LCORL: variants seen among roughly 807,000 people sequenced by gnomAD.
The protein encoded by LCORL is ligand-dependent nuclear receptor corepressor-like protein.
A neutral mutation model predicts 141.8 loss-of-function variants in LCORL; 41 were observed. The ratio of observed to expected loss-of-function variants is 0.29; its 90% CI spans 0.23 to 0.38. LCORL has a LOEUF of 0.38. Among genes scored for constraint, LCORL ranks in the 10% least tolerant of loss-of-function variants. The probability of loss-of-function intolerance (pLI) is 1.00; values close to 1 mark genes in which losing one functional copy is unlikely to be tolerated. For missense variants in LCORL, 1,759 were observed against 2,035.0 expected (o/e 0.86, Z 2.61); for synonymous variants, 618 against 694.1 (o/e 0.89, Z 1.72).
chr4:17,893,796 G>T (rs1000228997), intron 5 of LCORL, among the ~76,000 whole-genome samples: 1 of 151,974 alleles, frequency 6.6e-6, no homozygotes, highest in African/African-American at 2.4e-5. Context: ...TGATTCTAAG[G>T]TTATTTATTT....
In LCORL at chr4:17,904,137, T is replaced by G. The variant is rs16896001; in HGVS notation, c.682+4957A>C. 2.0e-5 allele frequency among the ~76,000 whole-genome samples: 3 copies of G among 152,154 alleles called. No individual in the cohort carries two copies. In the East Asian group the frequency reaches 5.8e-4, roughly 29 times the overall value. The stretch of plus-strand genomic sequence containing the variant: ...GTCAAAGATTTTTGGTAAATACTTA[T>G]TCACTCAGAGGCTGAATTACCATCT... On this transcript the variant is annotated intron_variant, in intron 5 of 7. Transcript: ENST00000635767.
rs1395011131 is a variant in LCORL, at chr4:17,897,221, T to C, written c.683-11060A>G. Among the ~76,000 whole-genome samples, 31 of 100,176 alleles carry C rather than the reference T, an allele frequency of 3.1e-4. 2 individuals are homozygous for C. In the East Asian group the frequency reaches 3.9e-3, roughly 13 times the overall value. The allele number at this position is 100,176 out of a possible 152,430, so 65.7% of individuals were successfully genotyped here. ...CTTTGATATACTGATTTCTTTTTTT[T>C]TTTTTTTTTTTTTTTTTTTTTTTTT... On this transcript the variant is annotated intron_variant, in intron 5 of 7. Transcript: ENST00000635767.
exon 7 of LCORL, chr4:17,875,894 T>C: frequency 1.6e-6 from 2 of 1,231,272 alleles, no homozygotes; most frequent in African/African-American, 1.6e-5. Context: ...ATTTGTTTAG[T>C]TCTCTTTGAA....
At chr4:17,947,559 G>A (rs1222132426) in intron 4 of LCORL, among the ~76,000 whole-genome samples, 1 of 151,878 alleles carries the variant, frequency 6.6e-6, no homozygotes, top group South Asian at 2.1e-4. Context: ...AATTTCAAAT[G>A]CTGTCACCAC....
intron 4 of LCORL, chr4:17,911,829 C>T: frequency 2.2e-6 from 1 of 454,452 alleles, no homozygotes; most frequent in South Asian, 1.8e-5. Flanking sequence ...CCTGCTCCAC[C>T]AGCTTCCAGG....
At chr4:17,974,797 T>C (rs1716621075) in intron 1 of LCORL, among the ~76,000 whole-genome samples, 1 of 152,156 alleles carries the variant, frequency 6.6e-6, no homozygotes, top group Non-Finnish European at 1.5e-5. Flanking sequence ...AAAAACTATT[T>C]AGGCTATCGA....
exon 7 of LCORL, chr4:17,875,797 T>C: frequency 8.1e-7 from 1 of 1,231,246 alleles, no homozygotes; most frequent in Non-Finnish European, 1.0e-6. Flanking sequence ...CTGCTTGAAT[T>C]GTCCTTAGGT....
At chr4:17,976,019 T>A (rs1008506467) in intron 1 of LCORL, among the ~76,000 whole-genome samples, 1 of 152,174 alleles carries the variant, frequency 6.6e-6, no homozygotes, top group Admixed American at 6.6e-5. Context: ...ATTGATATCA[T>A]CATTATAAAA....
intron 4 of LCORL, among the ~76,000 whole-genome samples, chr4:17,930,858 T>C (rs574959407): frequency 3.9e-5 from 6 of 152,336 alleles, no homozygotes; most frequent in African/African-American, 9.6e-5. Flanking sequence ...CAAAAGTAAT[T>C]TGAAAACTGT....
chr4:17,843,227 CAA>C lies in LCORL; in HGVS notation c.*2659_*2660del, dbSNP rs1053290855. 2.7e-6 allele frequency: 4 copies of C among 1,499,118 alleles called. No individual in the cohort carries two copies. The African/African-American group carries it at 5.6e-5, about 21-fold the overall frequency. 92.9% of individuals were successfully genotyped at this position (1,499,118 alleles called of 1,614,324 possible). On this transcript the variant is annotated 3_prime_UTR_variant, in exon 8 of 8. Transcript: ENST00000635767. ...ACACTGATAGAATGTGAGTCAGAAACAAAAAAGTTTTATTTATAAATAAACTG... is the reference window on the plus strand; with the variant it reads ...ACACTGATAGAATGTGAGTCAGAAACAAAAGTTTTATTTATAAATAAACTG...
intron 1 of LCORL, among the ~76,000 whole-genome samples, chr4:17,981,983 T>TTGTA (rs1718069545): frequency 6.6e-6 from 1 of 152,028 alleles, no homozygotes; most frequent in Non-Finnish European, 1.5e-5. Flanking sequence ...GTAGAATACA[T>TTGTA]GGTATTTGAT....
At chr4:17,938,026 C>T (rs1443527845) in intron 4 of LCORL, among the ~76,000 whole-genome samples, 6 of 116,978 alleles carry the variant, frequency 5.1e-5, no homozygotes, top group Non-Finnish European at 8.3e-5. Flanking sequence ...TTTTTTGAGA[C>T]AGAGTTTCGC....
At chr4:17,911,482 G>A (rs952724630) in intron 4 of LCORL, among the ~76,000 whole-genome samples, 1 of 152,200 alleles carries the variant, frequency 6.6e-6, no homozygotes, top group African/African-American at 2.4e-5. Flanking sequence ...TGCAACATGA[G>A]TTCTGCTAAA....
chr4:17,923,177 T>C (rs145046354), intron 4 of LCORL, among the ~76,000 whole-genome samples: 1 of 152,130 alleles, frequency 6.6e-6, no homozygotes, highest in Non-Finnish European at 1.5e-5. Context: ...AGAACAGGCA[T>C]GGAAATGAAA....
intron 5 of LCORL, among the ~76,000 whole-genome samples, chr4:17,894,553 T>C (rs528682368): frequency 1.3e-5 from 2 of 152,312 alleles, no homozygotes; most frequent in African/African-American, 2.4e-5. Flanking sequence ...GTTTTCAAGA[T>C]GAGTAAAAAG....
chr4:17,985,024 A>T (rs1312049672), intron 1 of LCORL, among the ~76,000 whole-genome samples: 1 of 151,994 alleles, frequency 6.6e-6, no homozygotes, highest in Non-Finnish European at 1.5e-5. Flanking sequence ...CCAAAAGATA[A>T]ACAACGTGCT....
intron 4 of LCORL, among the ~76,000 whole-genome samples, chr4:17,934,251 T>G (rs1736493142): frequency 6.6e-6 from 1 of 152,076 alleles, no homozygotes; most frequent in Non-Finnish European, 1.5e-5. Flanking sequence ...CAGCATTTGT[T>G]CATCAAATGT....
chr4:17,927,227 C>T (rs1184095102), intron 4 of LCORL, among the ~76,000 whole-genome samples: 2 of 152,158 alleles, frequency 1.3e-5, no homozygotes, highest in Non-Finnish European at 2.9e-5. Context: ...TCTCCTGAAG[C>T]TTCCTCTCAG....
intron 4 of LCORL, among the ~76,000 whole-genome samples, chr4:17,957,007 T>A (rs904660402): frequency 4.0e-5 from 6 of 151,862 alleles, no homozygotes; most frequent in Middle Eastern, 3.2e-3. Context: ...AAATTAGATT[T>A]GGGAGGTGAT....
Sources: allele counts gnomAD v4.1 joint callset (sites outside exome capture counted in the v4.1 genomes callset), GRCh38; gene constraint gnomAD v4.1.1; transcripts MANE v1.5; gene names NCBI Gene and HGNC (gene_info 2026-07-23, HGNC 2026-07-21).